PHF20: variants seen among roughly 807,000 people sequenced by gnomAD.
PHF20 encodes the protein glioma-expressed antigen 2.
PHF20 carries 23 observed loss-of-function variants against 113.5 expected under a neutral mutation model. The ratio of observed to expected loss-of-function variants is 0.20; its 90% CI spans 0.15 to 0.29. The LOEUF is 0.29. PHF20 is among the 10% of genes least tolerant of loss of function. PHF20 has a pLI of 1.00. For synonymous variants in PHF20, 434 were observed against 457.3 expected (o/e 0.95, Z 0.65); for missense variants, 943 against 1,219.6 (o/e 0.77, Z 3.38).
chr20:35,809,717 C>CAA (rs759390130), intron 2 of PHF20, among the ~76,000 whole-genome samples: 3 of 126,658 alleles, frequency 2.4e-5, no homozygotes, highest in South Asian at 2.5e-4. Context: ...GACCCTGTCT[C>CAA]AAAAAAAAAA....
At chr20:35,942,536 CCT>C (rs1471657595) in intron 17 of PHF20, among the ~76,000 whole-genome samples, 1 of 152,164 alleles carries the variant, frequency 6.6e-6, no homozygotes, top group East Asian at 1.9e-4. Context: ...CCAGGTTTGG[CCT>C]CTCTAGCCCT....
At chr20:35,814,126 T>C (rs955455483) in intron 2 of PHF20, among the ~76,000 whole-genome samples, 1 of 152,042 alleles carries the variant, frequency 6.6e-6, no homozygotes. Flanking sequence ...TGTTTATTGC[T>C]GCTAGGATGT....
chr20:35,901,645 C>T (rs905961527), intron 10 of PHF20, among the ~76,000 whole-genome samples: 1 of 152,126 alleles, frequency 6.6e-6, no homozygotes, highest in Non-Finnish European at 1.5e-5. Flanking sequence ...TCTTCTCTTG[C>T]CCTGGTTGTT....
Position 35,949,472 on chromosome 20 carries a change from T to C in PHF20, c.*1845T>C, listed in dbSNP as rs530553883. The C allele has an allele frequency of 6.5e-6, 1 of 152,824 alleles. No homozygotes were observed. Among genetic ancestry groups the C allele is most frequent in the East Asian group, 1.9e-4 (1 of 5,192 alleles). 9.5% of individuals were successfully genotyped at this position (152,824 alleles called of 1,614,324 possible). On this transcript the variant is annotated 3_prime_UTR_variant, in exon 18 of 18. Transcript: ENST00000374012. ...TTAAGGTAGTCAATTTCATGTCTTG[T>C]TCAACGATGTAAGCAGAAACTGAAT...
intron 9 of PHF20, among the ~76,000 whole-genome samples, chr20:35,895,976 C>A (rs534663892): frequency 6.6e-6 from 1 of 152,078 alleles, no homozygotes; most frequent in Non-Finnish European, 1.5e-5. Context: ...CGTGAGCCAT[C>A]GCGCCTGGCC....
intron 2 of PHF20, among the ~76,000 whole-genome samples, chr20:35,826,333 T>C (rs1408129764): frequency 6.6e-6 from 1 of 152,140 alleles, no homozygotes; most frequent in Non-Finnish European, 1.5e-5. Context: ...TGTGAGCCAC[T>C]GCACCTGGCC....
At chr20:35,923,018 G>A (rs1447393483) in intron 13 of PHF20, among the ~76,000 whole-genome samples, 2 of 152,226 alleles carry the variant, frequency 1.3e-5, no homozygotes, top group East Asian at 1.9e-4. Context: ...AGGAGGCTGA[G>A]GTGGGTGGAT....
At chr20:35,938,582 G>A (rs757307193) in intron 15 of PHF20, 115 bp from the exon 16 acceptor site, 60 of 981,404 alleles carry the variant, frequency 6.1e-5, no homozygotes, top group Admixed American at 9.3e-5. Context: ...GGTAGTGTGT[G>A]GTCAGATGGC....
intron 9 of PHF20, among the ~76,000 whole-genome samples, chr20:35,880,445 C>A (rs763543665): frequency 8.5e-5 from 13 of 152,126 alleles, no homozygotes; most frequent in Non-Finnish European, 1.9e-4. Context: ...GCTTCATTTT[C>A]AGGATAGGGA....
chr20:35,814,593 G>T (rs1261981590), intron 2 of PHF20, among the ~76,000 whole-genome samples: 4 of 150,770 alleles, frequency 2.7e-5, no homozygotes, highest in Non-Finnish European at 5.9e-5. Flanking sequence ...AAATAAATAG[G>T]CCGGGCGCGG....
intron 6 of PHF20, among the ~76,000 whole-genome samples, chr20:35,869,213 T>C (rs1032484606): frequency 6.6e-6 from 1 of 152,204 alleles, no homozygotes; most frequent in African/African-American, 2.4e-5. Flanking sequence ...ATAGAAAAGA[T>C]TCAGGAGGTC....
intron 9 of PHF20, among the ~76,000 whole-genome samples, chr20:35,897,250 C>T (rs943026867): frequency 2.0e-5 from 3 of 151,602 alleles, no homozygotes; most frequent in African/African-American, 7.3e-5. Context: ...GAGTTGTCTA[C>T]ACTGGTCTTG....
chr20:35,946,467 G>A (rs2056085542), intron 17 of PHF20, among the ~76,000 whole-genome samples: 1 of 151,810 alleles, frequency 6.6e-6, no homozygotes, highest in Non-Finnish European at 1.5e-5. Flanking sequence ...TAAATAAAGG[G>A]AGAAAATAAT....
At chr20:35,820,459 T>C (rs1600781170) in intron 2 of PHF20, among the ~76,000 whole-genome samples, 1 of 150,944 alleles carries the variant, frequency 6.6e-6, no homozygotes, top group East Asian at 1.9e-4. Flanking sequence ...TTTTTTTTTT[T>C]TTTTTGTGAG....
Position 35,781,207 on chromosome 20 carries a change from G to C in PHF20, c.-33+9128G>C, listed in dbSNP as rs528753459. ...CACCCAGGCTGAAGTGCAGTGACAC[G>C]ATCTTGGCTCACTGCAACCTCCTTC... On this transcript the variant is annotated intron_variant, in intron 1 of 17. Transcript: ENST00000374012. Among the ~76,000 whole-genome samples the C allele has an allele frequency of 5.3e-5, 8 of 150,112 alleles. No homozygotes were observed. The South Asian group carries it at 1.7e-3, about 32-fold the overall frequency.
intron 4 of PHF20, among the ~76,000 whole-genome samples, chr20:35,850,106 T>C (rs1023721147): frequency 2.0e-5 from 3 of 152,180 alleles, no homozygotes; most frequent in Non-Finnish European, 4.4e-5. Flanking sequence ...GGAGTGGTTC[T>C]TCAGCAGTGG....
intron 16 of PHF20, 27 bp downstream of exon 16, chr20:35,939,135 T>C: frequency 6.4e-7 from 1 of 1,552,860 alleles, no homozygotes; most frequent in African/African-American, 1.4e-5. Flanking sequence ...TACTTGTTCT[T>C]CATTCATTGC....
At chr20:35,782,012 C>T (rs540568819) in intron 1 of PHF20, among the ~76,000 whole-genome samples, 2 of 152,210 alleles carry the variant, frequency 1.3e-5, no homozygotes, top group African/African-American at 2.4e-5. Flanking sequence ...TGAACCTCCT[C>T]CCAGCCCCAG....
chr20:35,878,773 TTTAG>T, intron 9 of PHF20: 1 of 707,454 alleles, frequency 1.4e-6, no homozygotes. Context: ...AGGAGCTTGT[TTTAG>T]TTAGACGTCT....
Sources: allele counts gnomAD v4.1 joint callset (sites outside exome capture counted in the v4.1 genomes callset), GRCh38; gene constraint gnomAD v4.1.1; transcripts MANE v1.5; gene names NCBI Gene and HGNC (gene_info 2026-07-23, HGNC 2026-07-21).